EDNRA: variants seen among roughly 807,000 people sequenced by gnomAD.
EDNRA encodes the protein endothelin receptor type A.
EDNRA carries 11 observed loss-of-function variants against 41.4 expected under a neutral mutation model. That is an observed-to-expected ratio of 0.27 (90% CI 0.17 to 0.44). The LOEUF is 0.44. Ranked by LOEUF, EDNRA falls within the 20% of genes least tolerant of loss-of-function variation. The pLI, the probability that EDNRA is intolerant of heterozygous loss-of-function variation, is 1.00. For missense variants in EDNRA, 294 were observed against 531.0 expected (o/e 0.55, Z 4.39); for synonymous variants, 172 against 183.0 (o/e 0.94, Z 0.49).
intron 3 of EDNRA, among the ~76,000 whole-genome samples, chr4:147,526,159 C>T (rs575579797): frequency 2.0e-5 from 3 of 152,326 alleles, no homozygotes; most frequent in African/African-American, 7.2e-5. Flanking sequence ...CACTATCGTA[C>T]TGAGTTATTT....
intron 2 of EDNRA, among the ~76,000 whole-genome samples, chr4:147,515,612 A>T (rs1730088445): frequency 6.6e-6 from 1 of 152,128 alleles, no homozygotes; most frequent in Non-Finnish European, 1.5e-5. Flanking sequence ...TGTGGTGGAG[A>T]CTCAGGCAGT....
intron 2 of EDNRA, among the ~76,000 whole-genome samples, chr4:147,510,399 A>G (rs1729878192): frequency 6.6e-6 from 1 of 152,228 alleles, no homozygotes; most frequent in Non-Finnish European, 1.5e-5. Context: ...TAGAAGTAAA[A>G]CTAGGTTAAA....
intron 5 of EDNRA, 108 bp from the exon 6 acceptor site, chr4:147,539,709 T>C: frequency 7.6e-7 from 1 of 1,317,410 alleles, no homozygotes; most frequent in East Asian, 2.3e-5. Flanking sequence ...CTGGCTCTTC[T>C]TTGAATTATT....
intron 3 of EDNRA, among the ~76,000 whole-genome samples, chr4:147,529,819 A>C (rs1432720710): frequency 1.3e-5 from 2 of 152,220 alleles, no homozygotes; most frequent in African/African-American, 4.8e-5. Context: ...CCAGTGTTTC[A>C]TGGTTTCCAT....
At chr4:147,527,886 G>A (rs778639796) in intron 3 of EDNRA, among the ~76,000 whole-genome samples, 3 of 152,164 alleles carry the variant, frequency 2.0e-5, no homozygotes, top group East Asian at 1.9e-4. Flanking sequence ...CAGAGGATGC[G>A]ACAAGATGCC....
chr4:147,504,182 TA>T (rs1729609796), intron 2 of EDNRA, among the ~76,000 whole-genome samples: 1 of 152,214 alleles, frequency 6.6e-6, no homozygotes, highest in Non-Finnish European at 1.5e-5. Flanking sequence ...TCTTTTCAGA[TA>T]ATTGCGAATA....
chr4:147,499,771 T>G (rs994872168), intron 2 of EDNRA, among the ~76,000 whole-genome samples: 1 of 150,610 alleles, frequency 6.6e-6, no homozygotes, highest in African/African-American at 2.4e-5. Flanking sequence ...AAATTTCATA[T>G]GAAAATATAG....
chr4:147,490,114 AAAG>A (rs2126381325), intron 2 of EDNRA: 1 of 151,720 alleles, frequency 6.6e-6, no homozygotes, highest in African/African-American at 2.4e-5. Context: ...CAAAAGATGA[AAAG>A]AAGTTCCTAT....
chr4:147,495,698 G>T (rs911691116), intron 2 of EDNRA: 1 of 152,214 alleles, frequency 6.6e-6, no homozygotes, highest in East Asian at 1.9e-4. Flanking sequence ...CACTTGAAAG[G>T]CTAGGCAATT....
rs144158679 is a variant in EDNRA at position 147,520,738 on chromosome 4, A to C, written c.548+760A>C. Among the ~76,000 whole-genome samples, 41 of 152,350 alleles carry C rather than the reference A, an allele frequency of 2.7e-4. No individual in the cohort carries two copies. The East Asian group carries it at 7.9e-3, about 29-fold the overall frequency. On this transcript the variant is annotated intron_variant, in intron 3 of 7. Coordinates refer to ENST00000651419, the MANE Select transcript of EDNRA (RefSeq NM_001957.4). ...TTTAATTAGCCTACATACAATTTAG[A>C]AGAGGTTTTCATTCTAACTCATTCC...
chr4:147,494,387 G>A (rs1028840002), intron 2 of EDNRA: 1 of 152,274 alleles, frequency 6.6e-6, no homozygotes, highest in African/African-American at 2.4e-5. Flanking sequence ...TATTGAGTGG[G>A]TGACCTCAAT....
intron 2 of EDNRA, chr4:147,496,081 T>A (rs1729289651): frequency 6.6e-6 from 1 of 152,230 alleles, no homozygotes; most frequent in South Asian, 2.1e-4. Flanking sequence ...TCCAAAATAT[T>A]GCTTATCAAA....
intron 3 of EDNRA, among the ~76,000 whole-genome samples, chr4:147,527,089 G>C (rs760652002): frequency 6.6e-6 from 1 of 152,232 alleles, no homozygotes; most frequent in Non-Finnish European, 1.5e-5. Context: ...GGGCGGCACT[G>C]TACCTTATGG....
intron 2 of EDNRA, among the ~76,000 whole-genome samples, chr4:147,518,344 T>A (rs891876609): frequency 2.0e-5 from 3 of 151,980 alleles, no homozygotes; most frequent in Admixed American, 6.6e-5. Context: ...GTGCAAAGAG[T>A]TTTGTGGTTG....
intron 1 of EDNRA, among the ~76,000 whole-genome samples, chr4:147,483,547 A>G (rs181755263): frequency 9.2e-4 from 140 of 152,296 alleles, no homozygotes; most frequent in Non-Finnish European, 1.6e-3. Context: ...CGCACTTTAT[A>G]TATACCCTAT....
intron 2 of EDNRA, chr4:147,506,702 CA>C: frequency 6.0e-6 from 2 of 335,482 alleles, no homozygotes; most frequent in Non-Finnish European, 1.2e-5. Flanking sequence ...AAGAGATCCA[CA>C]AAAACACGTG....
At chr4:147,539,435 C>T (rs1386205513) in intron 5 of EDNRA, among the ~76,000 whole-genome samples, 1 of 151,848 alleles carries the variant, frequency 6.6e-6, no homozygotes, top group Non-Finnish European at 1.5e-5. Flanking sequence ...ACCCTTTCCC[C>T]CATGCAGTCA....
rs753613776 is a variant in EDNRA at position 147,535,855 on chromosome 4, T to C, written c.748-22T>C. ...CATGACTCTGCTCCTCCTTTTCTCT[T>C]TTTTTTTTTTTCACTTTGAAGTTCT... On this transcript the variant is annotated intron_variant, in intron 4 of 7. Coordinates refer to ENST00000651419, the MANE Select transcript of EDNRA (RefSeq NM_001957.4). The C allele has an allele frequency of 4.7e-6, 6 of 1,287,306 alleles. No individual in the cohort carries two copies. The African/African-American group carries it at 5.3e-5, about 11-fold the overall frequency. The allele number at this position is 1,287,306 out of a possible 1,614,324, so 79.7% of individuals were successfully genotyped here.
rs766565642 is a variant in EDNRA, at chr4:147,536,061, AGGACTG to A, written c.900+34_900+39del. ...CCCATAACATCATGAAAATCTGGCC[AGGACTG>A]GTTAGTCCTTGACAGCAGCAGGCCT... is the stretch of plus-strand genomic sequence containing the variant. On this transcript the variant is annotated intron_variant, in intron 5 of 7. Coordinates refer to ENST00000651419, the MANE Select transcript of EDNRA (RefSeq NM_001957.4). 4 of 1,612,884 alleles carry A rather than the reference AGGACTG, an allele frequency of 2.5e-6. No individual in the cohort carries two copies. The African/African-American group carries it at 5.3e-5, about 22-fold the overall frequency.
Sources: allele counts gnomAD v4.1 joint callset (sites outside exome capture counted in the v4.1 genomes callset), GRCh38; gene constraint gnomAD v4.1.1; transcripts MANE v1.5; gene names NCBI Gene and HGNC (gene_info 2026-07-23, HGNC 2026-07-21).